The following MON2 variants were observed in gnomAD, a reference collection of about 807,000 sequenced individuals.
MON2 encodes protein MON2 homolog.
A neutral mutation model predicts 208.6 loss-of-function variants in MON2; 84 were observed. The ratio of observed to expected loss-of-function variants is 0.40; its 90% CI spans 0.34 to 0.48. The LOEUF is 0.48. MON2 is among the 20% of genes least tolerant of loss of function. The pLI is 0.59. For synonymous variants in MON2, 660 were observed against 694.0 expected (o/e 0.95, Z 0.77); for missense variants, 1,611 against 2,015.4 (o/e 0.80, Z 3.84).
At chr12:62,511,306 CT>C (rs1414920247) in intron 8 of MON2, among the ~76,000 whole-genome samples, 1 of 152,092 alleles carries the variant, frequency 6.6e-6, no homozygotes, top group African/African-American at 2.4e-5. Context: ...CCAAAACTAT[CT>C]TGAGAAAAAA....
intron 4 of MON2, among the ~76,000 whole-genome samples, chr12:62,496,429 T>C (rs904204403): frequency 1.3e-5 from 2 of 152,318 alleles, no homozygotes; most frequent in African/African-American, 4.8e-5. Flanking sequence ...AATTGAGTAA[T>C]ATGAAGGCTT....
Position 62,599,427 on chromosome 12 carries a change from T to C in MON2, c.*6678T>C, listed in dbSNP as rs1357112215. The C allele has an allele frequency of 6.6e-6, 1 of 152,222 alleles. No homozygotes were observed. The highest frequency in any genetic ancestry group is 6.5e-5 in the Admixed American group (1 of 15,288). 9.4% of individuals were successfully genotyped at this position (152,222 alleles called of 1,614,324 possible). ...TGCATTAAAATTCCTTTTTTTGTTA[T>C]GTAATGAAAGTATAAAACAAGAATT... On this transcript the variant is annotated 3_prime_UTR_variant, in exon 35 of 35. Transcript: ENST00000393630.
intron 20 of MON2, 129 bp from the exon 21 acceptor site, chr12:62,544,769 G>A (rs1429799753): frequency 2.6e-6 from 4 of 1,536,354 alleles, no homozygotes; most frequent in Non-Finnish European, 3.5e-6. Flanking sequence ...TATTCAGAAG[G>A]TAAGCTAACT....
intron 7 of MON2, among the ~76,000 whole-genome samples, chr12:62,507,554 A>G (rs1343290363): frequency 1.3e-5 from 2 of 151,968 alleles, no homozygotes; most frequent in Non-Finnish European, 2.9e-5. Context: ...CCTGGATGCC[A>G]GCAATCCTCC....
At chr12:62,576,939 A>C (rs1225766000) in intron 30 of MON2, among the ~76,000 whole-genome samples, 1 of 151,816 alleles carries the variant, frequency 6.6e-6, no homozygotes, top group Non-Finnish European at 1.5e-5. Flanking sequence ...AAAAGTATTA[A>C]TATTGTTAGT....
In MON2 at chr12:62,595,345, A is replaced by G. The variant is rs774491053; in HGVS notation, c.*2596A>G. ...TTTTTAGTAGAGATGGGGTTTCACC[A>G]TTTTGGCCATTCTAGTCTTGAACTC... On this transcript the variant is annotated 3_prime_UTR_variant, in exon 35 of 35. Transcript: ENST00000393630. 3 of 152,042 alleles carry G rather than the reference A, an allele frequency of 2.0e-5. No individual in the cohort carries two copies. Among genetic ancestry groups the G allele is most frequent in the Non-Finnish European group, 2.9e-5 (2 of 68,028 alleles). 9.4% of individuals were successfully genotyped at this position (152,042 alleles called of 1,614,324 possible).
chr12:62,550,455 G>A (rs2073690365), intron 23 of MON2, among the ~76,000 whole-genome samples: 1 of 152,152 alleles, frequency 6.6e-6, no homozygotes, highest in South Asian at 2.1e-4. Flanking sequence ...CCAGGAATTG[G>A]AGGCTGCAGT....
At chr12:62,507,315 C>CTT (rs112565800) in intron 7 of MON2, among the ~76,000 whole-genome samples, 12 of 142,810 alleles carry the variant, frequency 8.4e-5, no homozygotes, top group Non-Finnish European at 1.5e-4. Flanking sequence ...TTTTCTTTTT[C>CTT]TTTTTTTTTT....
intron 8 of MON2, among the ~76,000 whole-genome samples, chr12:62,521,006 AT>A (rs1008091510): frequency 2.0e-5 from 3 of 146,686 alleles, no homozygotes; most frequent in African/African-American, 7.6e-5. Context: ...TAAAAAAAAA[AT>A]TAATCTTTTT....
At chr12:62,500,580 A>C (rs1361551267) in intron 5 of MON2, among the ~76,000 whole-genome samples, 1 of 152,114 alleles carries the variant, frequency 6.6e-6, no homozygotes, top group East Asian at 1.9e-4. Context: ...GCAAAGAGTG[A>C]TTTTTATGGT....
Position 62,571,499 on chromosome 12 carries a change from C to T in MON2, c.4431C>T (p.Ala1477=). 2 of 1,614,008 alleles carry T rather than the reference C, an allele frequency of 1.2e-6. No homozygotes were observed. Among genetic ancestry groups the T allele is most frequent in the Non-Finnish European group, 1.7e-6 (2 of 1,179,940 alleles). ...LRVLSIGLPV[A]RQHASSGKFD... ...TTCTTTCTATTGGGCTACCTGTTGC[C>T]CGGCAGCATGCTTCTTCTGGAAAAT... The change falls in exon 30 of 35, where the codon GCC becomes GCT. Residue 1477 remains alanine (A), a synonymous_variant. Coordinates refer to ENST00000393630, the MANE Select transcript of MON2 (RefSeq NM_015026.3).
intron 6 of MON2, 74 bp from the exon 7 acceptor site, chr12:62,501,497 TAA>T: frequency 6.5e-7 from 1 of 1,529,374 alleles, no homozygotes; most frequent in Non-Finnish European, 8.9e-7. Context: ...AGATTTTTTT[TAA>T]AGATTTATGA....
intron 7 of MON2, among the ~76,000 whole-genome samples, chr12:62,503,470 G>A (rs7303357): frequency 0.67 from 101,872 of 151,522 alleles, 34,462 homozygotes; most frequent in African/African-American, 0.77. Flanking sequence ...TTGCATATAT[G>A]TTAATACTTG....
intron 1 of MON2, among the ~76,000 whole-genome samples, chr12:62,479,836 A>G (rs1412170402): frequency 6.6e-6 from 1 of 152,068 alleles, no homozygotes; most frequent in Non-Finnish European, 1.5e-5. Flanking sequence ...CCATGTTTAC[A>G]ATTTATTAGG....
intron 23 of MON2, 144 bp from the exon 24 acceptor site, chr12:62,552,737 T>A: frequency 3.3e-6 from 2 of 603,732 alleles, no homozygotes; most frequent in Non-Finnish European, 5.7e-6. Context: ...GATGTTTTCA[T>A]TGAATCTATT....
chr12:62,490,613 T>C (rs758214268), intron 2 of MON2, among the ~76,000 whole-genome samples: 78 of 152,278 alleles, frequency 5.1e-4, no homozygotes, highest in Non-Finnish European at 7.8e-4. Flanking sequence ...CCTTATGATT[T>C]TTCTCTTACT....
intron 25 of MON2, among the ~76,000 whole-genome samples, chr12:62,557,642 T>C (rs1460430490): frequency 2.6e-5 from 4 of 152,074 alleles, no homozygotes; most frequent in Non-Finnish European, 5.9e-5. Context: ...TTTAAACTAA[T>C]TTATGTTAAA....
intron 12 of MON2, 48 bp downstream of exon 12, chr12:62,532,718 C>T (rs373445823): frequency 2.0e-6 from 3 of 1,464,132 alleles, no homozygotes; most frequent in South Asian, 2.4e-5. Flanking sequence ...TTGAAATTTA[C>T]AATTTGCAAA....
At chr12:62,589,157 G>A (rs748049564) in intron 34 of MON2, among the ~76,000 whole-genome samples, 2 of 152,188 alleles carry the variant, frequency 1.3e-5, no homozygotes, top group African/African-American at 2.4e-5. Context: ...ACTGGTCTGG[G>A]ACAAGATAGT....
Sources: allele counts gnomAD v4.1 joint callset (sites outside exome capture counted in the v4.1 genomes callset), GRCh38; gene constraint gnomAD v4.1.1; transcripts MANE v1.5; gene names NCBI Gene and HGNC (gene_info 2026-07-23, HGNC 2026-07-21).